Variants in SUOX observed in about 807,000 individuals in gnomAD.
SUOX encodes the protein sulfite oxidase.
SUOX carries 39 observed loss-of-function variants against 41.9 expected under a neutral mutation model. The observed-to-expected ratio is 0.93, with a 90% CI of 0.72 to 1.21. The LOEUF is 1.21. SUOX is among the 50% of genes most tolerant of loss of function. SUOX has a pLI of 0.00. For synonymous variants in SUOX, 220 were observed against 268.4 expected, an observed-to-expected ratio of 0.82 and a Z score of 1.76; for missense variants, 633 against 689.5, an observed-to-expected ratio of 0.92 and a Z score of 0.92.
intron 2 of SUOX, 182 bp from the exon 3 acceptor site, chr12:56,002,030 C>T: frequency 3.4e-6 from 5 of 1,476,444 alleles, no homozygotes. Context: ...CACAGTCTGT[C>T]TCTGAAGTGC....
rs1331592632 is a variant in SUOX, at chr12:56,004,324, C to G, written c.935C>G (p.Thr312Ser). Residue 312 changes from threonine (T) to serine (S), a missense_variant, in exon 5 of 5, where the codon ACT becomes AGT. Physicochemically the swap from Thr to Ser is moderately conservative, Grantham distance 58 (BLOSUM62 1). Transcript: ENST00000266971. The surrounding 1 kb of genome is among the most constrained non-coding windows in gnomAD (Gnocchi z 4.5). ...CAGGCTGGCCACCAACTCTGTGAAA[C>G]TGAGGCCCACGTCTGCTTTGAGGGA... ...LAQAGHQLCE[T>S]EAHVCFEGLD... 6.8e-6 allele frequency: 11 copies of G among 1,614,040 alleles called. No individual in the cohort carries two copies. The highest frequency in any genetic ancestry group is 9.3e-6 in the Non-Finnish European group (11 of 1,180,032).
Position 56,004,027 on chromosome 12 carries a change from T to A in SUOX, c.638T>A (p.Ile213Asn). The change falls in exon 5 of 5, where the codon ATC becomes AAC. Residue 213 changes from isoleucine to asparagine, a missense_variant. Physicochemically the swap from Ile to Asn is moderately radical, Grantham distance 149. Transcript: ENST00000266971. The surrounding 1 kb of genome is among the most constrained non-coding windows in gnomAD (Gnocchi z 4.5). ...LTENYITPNP[I>N]FFTRNHLPVP... ...GAAAACTACATCACACCCAACCCTA[T>A]CTTCTTCACCCGGAACCATCTGCCT... The A allele has an allele frequency of 1.9e-6, 3 of 1,613,978 alleles. No homozygotes were observed. The highest frequency in any genetic ancestry group is 1.7e-5 in the Admixed American group (1 of 59,996).
In SUOX at chr12:56,002,541, A is replaced by C. The variant is rs1273768268; in HGVS notation, c.51-2A>C. ...TGCTACTAAGACCGACCTCTCTTCC[A>C]GACTCAAGTCAATCCCCTCAAGGAT... On this transcript the variant is annotated splice_acceptor_variant, in intron 3 of 4. Coordinates refer to ENST00000266971, the MANE Select transcript of SUOX (RefSeq NM_001032386.2). LOFTEE classifies it high-confidence loss of function. 3.1e-6 allele frequency: 5 copies of C among 1,614,222 alleles called. No individual in the cohort carries two copies. The highest frequency in any genetic ancestry group is 4.2e-6 in the Non-Finnish European group (5 of 1,180,042).
At position 56,005,425 on chromosome 12, in the gene SUOX, T is replaced by C. The variant is rs1437995846; in HGVS notation, c.*398T>C. The C allele has an allele frequency of 2.0e-6, 1 of 489,508 alleles. No homozygotes were observed. Among genetic ancestry groups the C allele is most frequent in the Non-Finnish European group, 3.6e-6 (1 of 279,110 alleles). 30.3% of individuals were successfully genotyped at this position (489,508 alleles called of 1,614,324 possible). A position where few individuals can be genotyped will look rare whatever the true frequency, so the allele number is the denominator to read the frequency against. On this transcript the variant is annotated 3_prime_UTR_variant, in exon 5 of 5. Coordinates refer to ENST00000266971, the MANE Select transcript of SUOX (RefSeq NM_001032386.2). ...GAAAAGTGTATATACTATCTTATAC[T>C]ACCTCTCCAGGTTGCCAGAGAGTTG...
rs1890614602 is a variant in SUOX at position 56,003,638 on chromosome 12, CAT to C, written c.253_254del (p.Tyr85HisfsTer2). On this transcript the variant is annotated frameshift_variant, in exon 5 of 5. Transcript: ENST00000266971. LOFTEE classifies it high-confidence loss of function. ...RCRAAQESTH[I>X]YTKEEVSSHT... ...AATAGGCTGCTCAGGAGTCAACACA[CAT>C]ATACACTAAGGAGGAAGTGAGTTCC... The C allele has an allele frequency of 4.3e-6, 7 of 1,614,076 alleles. No homozygotes were observed. Among genetic ancestry groups the C allele is most frequent in the African/African-American group, 1.3e-5 (1 of 74,936 alleles).
At chr12:56,001,158 TC>T (rs2136507875) in intron 2 of SUOX, among the ~76,000 whole-genome samples, 1 of 130,870 alleles carries the variant, frequency 7.6e-6, no homozygotes, top group African/African-American at 2.8e-5. Flanking sequence ...GGAGTCTCTC[TC>T]TGTTGCCCAG....
At chr12:55,999,280 A>G (rs1050176124) in intron 2 of SUOX, 3 of 152,494 alleles carry the variant, frequency 2.0e-5, no homozygotes, top group African/African-American at 7.2e-5. Context: ...CCTCCAGAGT[A>G]GATGGGACCA....
chr12:56,004,249 C>G lies in SUOX; in HGVS notation c.860C>G (p.Ala287Gly). The change falls in exon 5 of 5, where the codon GCC becomes GGC. Residue 287 changes from alanine (A) to glycine (G), a missense_variant. Coordinates refer to ENST00000266971, the MANE Select transcript of SUOX (RefSeq NM_001032386.2). This position sits in a 1 kb window ranked among gnomAD's most constrained non-coding sequence, Gnocchi z 4.5. ...EVKGLEWRTGAISTARWAGAR... is the reference protein window; with the variant it reads ...EVKGLEWRTGGISTARWAGAR... ...AAAGGTCTGGAGTGGAGAACAGGAGCCATCAGCACTGCACGCTGGGCTGGG... is the reference window on the plus strand; with the variant it reads ...AAAGGTCTGGAGTGGAGAACAGGAGGCATCAGCACTGCACGCTGGGCTGGG... 6.2e-7 allele frequency: 1 copy of G among 1,614,036 alleles called. No homozygotes were observed. The highest frequency in any genetic ancestry group is 8.5e-7 in the Non-Finnish European group (1 of 1,180,040).
chr12:56,002,305 C>A (rs1467141032), intron 3 of SUOX, 34 bp downstream of exon 3: 2 of 1,604,458 alleles, frequency 1.2e-6, no homozygotes, highest in Non-Finnish European at 1.7e-6. Context: ...TGCCTCCTAG[C>A]CCCTATCTGC....
At position 56,004,084 on chromosome 12, in the gene SUOX, T is replaced by TA; in HGVS notation, c.696dup (p.His233ThrfsTer17). On this transcript the variant is annotated frameshift_variant, in exon 5 of 5. Transcript: ENST00000266971. LOFTEE classifies it high-confidence loss of function. This position sits in a 1 kb window ranked among gnomAD's most constrained non-coding sequence, Gnocchi z 4.5. ...AACCTGGATCCAGACACCTATCGCT[T>TA]ACACGTAGTAGGAGCACCTGGGGGT... The TA allele has an allele frequency of 1.2e-6, 2 of 1,614,040 alleles. No individual in the cohort carries two copies. Among genetic ancestry groups the TA allele is most frequent in the Non-Finnish European group, 1.7e-6 (2 of 1,180,016 alleles).
In SUOX at chr12:56,000,801, G is replaced by T. The variant is rs914234500; in HGVS notation, c.-10-1411G>T. 6.0e-5 allele frequency among the ~76,000 whole-genome samples: 9 copies of T among 151,136 alleles called. No individual in the cohort carries two copies. In the East Asian group the frequency reaches 1.7e-3, roughly 29 times the overall value. ...TTTTTCTTTGTTTTTTTTTTGAGAC[G>T]TTTGAGACGGAGTCTCACTCTGTCG... On this transcript the variant is annotated intron_variant, in intron 2 of 4. Transcript: ENST00000266971.
At position 56,005,277 on chromosome 12, in the gene SUOX, A is replaced by G. The variant is rs1890702585; in HGVS notation, c.*250A>G. On this transcript the variant is annotated 3_prime_UTR_variant, in exon 5 of 5. Coordinates refer to ENST00000266971, the MANE Select transcript of SUOX (RefSeq NM_001032386.2). ...CAAGGGGCTAGAAGTGAAAAAAGTAATTCTGGAGACAAGCACTATTTTCTC... is the reference window on the plus strand; with the variant it reads ...CAAGGGGCTAGAAGTGAAAAAAGTAGTTCTGGAGACAAGCACTATTTTCTC... The G allele has an allele frequency of 2.0e-5, 12 of 597,120 alleles. No individual in the cohort carries two copies. The East Asian group carries it at 2.8e-4, about 14-fold the overall frequency. 37.0% of individuals were successfully genotyped at this position (597,120 alleles called of 1,614,324 possible).
chr12:56,004,310 C>A lies in SUOX; in HGVS notation c.921C>A (p.His307Gln). Residue 307 changes from histidine to glutamine, a missense_variant, in exon 5 of 5, where the codon CAC becomes CAA. Transcript: ENST00000266971. This position sits in a 1 kb window ranked among gnomAD's most constrained non-coding sequence, Gnocchi z 4.5. ...GTGATGTGTTAGCCCAGGCTGGCCACCAACTCTGTGAAACTGAGGCCCACG... is the reference window on the plus strand; with the variant it reads ...GTGATGTGTTAGCCCAGGCTGGCCAACAACTCTGTGAAACTGAGGCCCACG... Reference protein sequence around the residue: ...RLCDVLAQAGHQLCETEAHVC... With the variant: ...RLCDVLAQAGQQLCETEAHVC... 6.2e-7 allele frequency: 1 copy of A among 1,614,090 alleles called. No individual in the cohort carries two copies. The highest frequency in any genetic ancestry group is 8.5e-7 in the Non-Finnish European group (1 of 1,180,008).
chr12:56,002,844 G>T, intron 4 of SUOX, 124 bp downstream of exon 4: 1 of 1,094,582 alleles, frequency 9.1e-7, no homozygotes, highest in Non-Finnish European at 1.3e-6. Flanking sequence ...AGACCAGCCT[G>T]GGCAACATGG....
intron 2 of SUOX, among the ~76,000 whole-genome samples, chr12:56,000,193 A>G (rs1054804031): frequency 2.6e-5 from 4 of 152,280 alleles, no homozygotes; most frequent in Admixed American, 2.6e-4. Context: ...GCCGTGGAGC[A>G]GGGGTCGGTG....
rs1890357112 is a variant in SUOX, at chr12:55,997,690, T to G, written c.-44T>G. ...TGCGAGTCAGCCCTACCTGCACTGC[T>G]CTGGTCTAGTACAAACAGGCTGCTG... On this transcript the variant is annotated 5_prime_UTR_variant, in exon 2 of 5. Transcript: ENST00000266971. The G allele has an allele frequency of 6.6e-6, 1 of 152,400 alleles. No individual in the cohort carries two copies. The highest frequency in any genetic ancestry group is 2.4e-5 in the African/African-American group (1 of 41,418). The allele number at this position is 152,400 out of a possible 1,614,324, so 9.4% of individuals were successfully genotyped here. A position where few individuals can be genotyped will look rare whatever the true frequency, so the allele number is the denominator to read the frequency against.
chr12:56,003,223 G>A (rs1890596995), intron 4 of SUOX, among the ~76,000 whole-genome samples: 1 of 151,866 alleles, frequency 6.6e-6, no homozygotes, highest in South Asian at 2.1e-4. Context: ...GTTGGGTCAG[G>A]GTGAGCTCAA....
chr12:56,002,581 G>A lies in SUOX; in HGVS notation c.89G>A (p.Cys30Tyr). The A allele has an allele frequency of 6.2e-7, 1 of 1,614,074 alleles. No individual in the cohort carries two copies. The highest frequency in any genetic ancestry group is 1.1e-5 in the South Asian group (1 of 91,076). The change falls in exon 4 of 5, where the codon TGC becomes TAC. Residue 30 changes from cysteine to tyrosine, a missense_variant. Cys to Tyr is a radical substitution (Grantham distance 194). Transcript: ENST00000266971. ...SIPSRICIQA[C>Y]STNDSFQPQR... ...CCCTCAAGGATCTGCATTCAGGCCT[G>A]CTCCACAAATGATTCATTTCAGCCC... is the stretch of plus-strand genomic sequence containing the variant.
chr12:56,004,089 G>A lies in SUOX; in HGVS notation c.700G>A (p.Val234Ile), dbSNP rs201490900. Reference sequence around the variant, plus strand: ...GGATCCAGACACCTATCGCTTACACGTAGTAGGAGCACCTGGGGGTCAGTC... The same window carrying A: ...GGATCCAGACACCTATCGCTTACACATAGTAGGAGCACCTGGGGGTCAGTC... ...NLDPDTYRLH[V>I]VGAPGGQSLS... Residue 234 changes from valine to isoleucine, a missense_variant, in exon 5 of 5, where the codon GTA (valine) becomes ATA (isoleucine). By Grantham distance (29) the Val-to-Ile change is conservative. Coordinates refer to ENST00000266971, the MANE Select transcript of SUOX (RefSeq NM_001032386.2). This position sits in a 1 kb window ranked among gnomAD's most constrained non-coding sequence, Gnocchi z 4.5. 3.7e-6 allele frequency: 6 copies of A among 1,613,942 alleles called. No homozygotes were observed. Among genetic ancestry groups the A allele is most frequent in the Admixed American group, 3.3e-5 (2 of 59,984 alleles).
Sources: gnomAD v4.1 joint callset for allele counts (sites outside exome capture counted in the v4.1 genomes callset) on GRCh38, gnomAD v4.1.1 for gene constraint, Gnocchi (gnomAD v3.1) non-coding constraint, MANE v1.5 for transcripts, NCBI Gene and HGNC (gene_info 2026-07-23, HGNC 2026-07-21) for gene names.